PPFIBP1: variants seen among roughly 807,000 people sequenced by gnomAD.
The protein encoded by PPFIBP1 is PPFIB scaffold protein 1, also known as liprin-beta-1.
A neutral mutation model predicts 137.8 loss-of-function variants in PPFIBP1; 112 were observed. That is an observed-to-expected ratio of 0.81 (90% CI 0.70 to 0.95). The LOEUF is 0.95. Among genes scored for constraint, PPFIBP1 ranks in the 40% least tolerant of loss-of-function variants. PPFIBP1 has a pLI of 0.00. For missense variants in PPFIBP1, 1,083 were observed against 1,196.6 expected (o/e 0.91, Z 1.40); for synonymous variants, 378 against 417.3 (o/e 0.91, Z 1.15).
At chr12:27,612,282 C>A (rs560657907) in intron 2 of PPFIBP1, among the ~76,000 whole-genome samples, 1 of 150,500 alleles carries the variant, frequency 6.6e-6, no homozygotes, top group East Asian at 2.0e-4. Flanking sequence ...CTCTGCAGCA[C>A]ACTGGCATCA....
Position 27,563,277 on chromosome 12 carries a change from T to TAAAAAAAAAAAAA in PPFIBP1, c.-123-14857_-123-14845dup, listed in dbSNP as rs869044515. Among the ~76,000 whole-genome samples the TAAAAAAAAAAAAA allele has an allele frequency of 1.2e-3, 26 of 22,172 alleles. 6 individuals are homozygous for TAAAAAAAAAAAAA. Among genetic ancestry groups the TAAAAAAAAAAAAA allele is most frequent in the African/African-American group, 5.1e-3 (23 of 4,470 alleles). 14.5% of individuals were successfully genotyped at this position (22,172 alleles called of 152,430 possible). On this transcript the variant is annotated intron_variant, in intron 1 of 29. Coordinates refer to ENST00000228425, the MANE Select transcript of PPFIBP1 (RefSeq NM_003622.4). ...TAACACGGTGAAAACCCATCTCTAC[T>TAAAAAAAAAAAAA]AAAAAAAAAAAAAAAAAAAAAAAAA...
In PPFIBP1 at chr12:27,671,413, T is replaced by C; in HGVS notation, c.1147-18T>C. 1 of 1,370,366 alleles carries C rather than the reference T, an allele frequency of 7.3e-7. No homozygotes were observed. Among genetic ancestry groups the C allele is most frequent in the Non-Finnish European group, 1.0e-6 (1 of 994,318 alleles). 84.9% of individuals were successfully genotyped at this position (1,370,366 alleles called of 1,614,324 possible). A position where few individuals can be genotyped will look rare whatever the true frequency, so the allele number is the denominator to read the frequency against. ...TTTGTTTTGATTGATTGATTGATTT[T>C]TTGTAATTACATTACAGTTCCATAC... On this transcript the variant is annotated intron_variant, in intron 13 of 29. Coordinates refer to ENST00000228425, the MANE Select transcript of PPFIBP1 (RefSeq NM_003622.4).
intron 2 of PPFIBP1, among the ~76,000 whole-genome samples, chr12:27,580,636 A>C (rs1471332148): frequency 6.6e-6 from 1 of 152,244 alleles, no homozygotes; most frequent in Non-Finnish European, 1.5e-5. Context: ...CTTTTTAAAA[A>C]TATGAGACTT....
Position 27,688,381 on chromosome 12 carries a change from T to G in PPFIBP1, c.2454T>G (p.Tyr818Ter). ...EWLRSVDLAE[Y>*]APNLRGSGVH... ...TGCGCTCCGTGGACTTGGCAGAATA[T>G]GCGCCCAATCTCAGAGGCAGTGGTG... is the stretch of plus-strand genomic sequence containing the variant. Residue 818 changes from tyrosine to a stop codon, truncating the protein, a stop_gained, in exon 26 of 30, where the codon TAT becomes TAG. Transcript: ENST00000228425. LOFTEE classifies it high-confidence loss of function. The G allele has an allele frequency of 6.2e-7, 1 of 1,614,160 alleles. No individual in the cohort carries two copies. Among genetic ancestry groups the G allele is most frequent in the Non-Finnish European group, 8.5e-7 (1 of 1,180,018 alleles).
chr12:27,572,176 A>C (rs1019169070), intron 1 of PPFIBP1, among the ~76,000 whole-genome samples: 5 of 152,204 alleles, frequency 3.3e-5, no homozygotes, highest in African/African-American at 1.2e-4. Flanking sequence ...ATTGTTATGT[A>C]AATTTTGCAC....
rs3842650 is a variant in PPFIBP1 at position 27,644,244 on chromosome 12, G to GTTTTTTTTTTTTTTTTTT, written c.271-1810_271-1793dup. ...GGCGCACACCACCAAGCTTGGCTAA[G>GTTTTTTTTTTTTTTTTTT]TTTTTTTTTTTTTTTTTTTTTTTTT... On this transcript the variant is annotated intron_variant, in intron 4 of 29. Transcript: ENST00000228425. Among the ~76,000 whole-genome samples the GTTTTTTTTTTTTTTTTTT allele has an allele frequency of 6.1e-4, 72 of 117,750 alleles. 2 individuals carry two copies. Among genetic ancestry groups the GTTTTTTTTTTTTTTTTTT allele is most frequent in the Non-Finnish European group, 8.7e-4 (51 of 58,810 alleles). 77.2% of individuals were successfully genotyped at this position (117,750 alleles called of 152,430 possible).
chr12:27,688,480 T>G (rs1000440234), intron 26 of PPFIBP1, 57 bp downstream of exon 26: 2 of 1,578,594 alleles, frequency 1.3e-6, no homozygotes, highest in African/African-American at 2.7e-5. Flanking sequence ...GTCTAGTCAG[T>G]AGGATATTAT....
At chr12:27,691,654 G>T (rs1167209667) in intron 27 of PPFIBP1, 95 bp from the exon 28 acceptor site, 5 of 872,162 alleles carry the variant, frequency 5.7e-6, no homozygotes, top group Non-Finnish European at 7.1e-6. Flanking sequence ...ATAGGAGGGA[G>T]GGGGCAACGC....
At chr12:27,664,917 G>A (rs1185813501) in intron 12 of PPFIBP1, among the ~76,000 whole-genome samples, 1 of 152,174 alleles carries the variant, frequency 6.6e-6, no homozygotes, top group Non-Finnish European at 1.5e-5. Flanking sequence ...GTCAGGCGTG[G>A]TGGCCTACGG....
intron 4 of PPFIBP1, among the ~76,000 whole-genome samples, chr12:27,644,863 G>A (rs964507556): frequency 6.6e-6 from 1 of 151,546 alleles, no homozygotes; most frequent in African/African-American, 2.4e-5. Context: ...TATTCAGTAT[G>A]CTAAAGTTTT....
chr12:27,580,145 T>C (rs1198702657), intron 2 of PPFIBP1, among the ~76,000 whole-genome samples: 1 of 152,030 alleles, frequency 6.6e-6, no homozygotes. Context: ...GGGAGACGAA[T>C]AGAGAAAGAA....
intron 2 of PPFIBP1, among the ~76,000 whole-genome samples, chr12:27,586,524 C>T (rs1275232616): frequency 1.3e-5 from 2 of 152,130 alleles, no homozygotes; most frequent in Admixed American, 6.5e-5. Flanking sequence ...ATGGTGAAAC[C>T]CTGTCTCTGC....
chr12:27,658,807 C>T lies in PPFIBP1; in HGVS notation c.812-9C>T. The T allele has an allele frequency of 1.2e-6, 2 of 1,611,386 alleles. No individual in the cohort carries two copies. Among genetic ancestry groups the T allele is most frequent in the Non-Finnish European group, 1.7e-6 (2 of 1,177,964 alleles). ...GCTAACTTCCAATCCAATGGGTTTT[C>T]CTGCACAGATGAAAATTTTAAAAAG... On this transcript the variant is annotated splice_polypyrimidine_tract_variant and intron_variant, in intron 9 of 29. Coordinates refer to ENST00000228425, the MANE Select transcript of PPFIBP1 (RefSeq NM_003622.4).
intron 1 of PPFIBP1, chr12:27,538,429 G>T (rs1161035932): frequency 6.6e-6 from 1 of 152,200 alleles, no homozygotes; most frequent in Non-Finnish European, 1.5e-5. Flanking sequence ...ATTGTACTTT[G>T]TGATAGGAAC....
intron 1 of PPFIBP1, among the ~76,000 whole-genome samples, chr12:27,529,296 G>C (rs1002598097): frequency 6.6e-6 from 1 of 152,232 alleles, no homozygotes; most frequent in Admixed American, 6.5e-5. Context: ...AAGTTCAGAA[G>C]AGTAGGTATG....
At chr12:27,581,229 C>G (rs954946157) in intron 2 of PPFIBP1, among the ~76,000 whole-genome samples, 3 of 152,112 alleles carry the variant, frequency 2.0e-5, no homozygotes, top group African/African-American at 7.2e-5. Flanking sequence ...GCAGGTGGCA[C>G]GTATATGAAA....
chr12:27,635,501 T>A, intron 4 of PPFIBP1: 1 of 278,430 alleles, frequency 3.6e-6, no homozygotes, highest in East Asian at 6.7e-5. Context: ...ATGGAAAGCA[T>A]GATGAAAGAC....
At chr12:27,590,611 C>T (rs1285073971) in intron 2 of PPFIBP1, among the ~76,000 whole-genome samples, 1 of 152,128 alleles carries the variant, frequency 6.6e-6, no homozygotes, top group African/African-American at 2.4e-5. Context: ...AGAGCAGGGA[C>T]TAGGGGACAG....
chr12:27,656,470 T>C (rs950133550), intron 8 of PPFIBP1, 146 bp from the exon 9 acceptor site: 5 of 626,760 alleles, frequency 8.0e-6, no homozygotes, highest in African/African-American at 5.6e-5. Flanking sequence ...TCATTGCCCT[T>C]GTCTGATTTC....
Sources: gnomAD v4.1 joint callset for allele counts (sites outside exome capture counted in the v4.1 genomes callset) on GRCh38, gnomAD v4.1.1 for gene constraint, MANE v1.5 for transcripts, NCBI Gene and HGNC (gene_info 2026-07-23, HGNC 2026-07-21) for gene names.